Variants in NEK10 observed in about 807,000 individuals in gnomAD.
The protein encoded by NEK10 is NIMA related kinase 10, also known as serine/threonine-protein kinase Nek10.
NEK10 carries 122 observed loss-of-function variants against 159.8 expected under a neutral mutation model. The ratio of observed to expected loss-of-function variants is 0.76; its 90% CI spans 0.66 to 0.89. The LOEUF is 0.89. NEK10 is among the 40% of genes least tolerant of loss of function. The pLI, the probability that NEK10 is intolerant of heterozygous loss-of-function variation, is 0.00. For synonymous variants in NEK10, 466 were observed against 457.1 expected (o/e 1.02, Z -0.25); for missense variants, 1,342 against 1,323.1 (o/e 1.01, Z -0.22).
chr3:27,152,713 T>C (rs917885710), intron 30 of NEK10, among the ~76,000 whole-genome samples: 2 of 152,000 alleles, frequency 1.3e-5, no homozygotes, highest in Non-Finnish European at 2.9e-5. Context: ...GCTTAAAACA[T>C]ACAGAACCAC....
intron 19 of NEK10, among the ~76,000 whole-genome samples, chr3:27,288,370 T>C (rs2042766026): frequency 6.6e-6 from 1 of 152,238 alleles, no homozygotes; most frequent in Non-Finnish European, 1.5e-5. Context: ...CTGTCAGTTT[T>C]AGCAACTTAT....
intron 23 of NEK10, among the ~76,000 whole-genome samples, chr3:27,236,228 T>C (rs1005507825): frequency 3.9e-5 from 6 of 152,034 alleles, no homozygotes; most frequent in African/African-American, 1.4e-4. Flanking sequence ...GGTGATGAAA[T>C]AATCTATATA....
At chr3:27,339,869 C>T (rs35281276) in intron 5 of NEK10, among the ~76,000 whole-genome samples, 21,598 of 151,080 alleles carry the variant, frequency 0.14, 1,811 homozygotes, top group Non-Finnish European at 0.19. Flanking sequence ...CAGATGCTGG[C>T]GAGGTTGTGG....
At chr3:27,266,336 C>T (rs979593108) in intron 22 of NEK10, among the ~76,000 whole-genome samples, 1 of 152,100 alleles carries the variant, frequency 6.6e-6, no homozygotes, top group Admixed American at 6.6e-5. Flanking sequence ...TGCTATGATC[C>T]AAGCTGAGCT....
intron 1 of NEK10, among the ~76,000 whole-genome samples, chr3:27,359,943 CT>C (rs1269249142): frequency 6.6e-6 from 1 of 152,148 alleles, no homozygotes; most frequent in Non-Finnish European, 1.5e-5. Context: ...ATTATGTATG[CT>C]TTAGAAAACT....
chr3:27,333,668 A>G (rs2046588439), intron 5 of NEK10, among the ~76,000 whole-genome samples: 1 of 152,162 alleles, frequency 6.6e-6, no homozygotes, highest in South Asian at 2.1e-4. Flanking sequence ...GGCACAAGCA[A>G]CCGTGGGCTA....
intron 23 of NEK10, among the ~76,000 whole-genome samples, chr3:27,243,804 A>T (rs1465078490): frequency 6.6e-6 from 1 of 150,610 alleles, no homozygotes; most frequent in Non-Finnish European, 1.5e-5. Context: ...TAACCCTTTA[A>T]TCTTCTACAC....
chr3:27,288,457 A>T (rs961283852), intron 19 of NEK10, among the ~76,000 whole-genome samples: 1 of 152,108 alleles, frequency 6.6e-6, no homozygotes, highest in Non-Finnish European at 1.5e-5. Flanking sequence ...CACCCTTGAT[A>T]TCTAACCAAG....
intron 9 of NEK10, chr3:27,310,653 A>C: frequency 3.7e-6 from 1 of 270,564 alleles, no homozygotes; most frequent in Admixed American, 5.3e-5. Flanking sequence ...CCTAGGGTGT[A>C]TTTATACATA....
chr3:27,327,856 A>G (rs1380822634), intron 5 of NEK10, among the ~76,000 whole-genome samples: 1 of 152,080 alleles, frequency 6.6e-6, no homozygotes, highest in Non-Finnish European at 1.5e-5. Context: ...TTCAAAACAC[A>G]TATCACCTCA....
intron 30 of NEK10, among the ~76,000 whole-genome samples, chr3:27,159,070 C>T (rs1217736091): frequency 6.6e-6 from 1 of 152,142 alleles, no homozygotes; most frequent in Non-Finnish European, 1.5e-5. Context: ...GACACCTACA[C>T]AGCCTAATTT....
chr3:27,187,388 C>G (rs1006679973), intron 26 of NEK10, among the ~76,000 whole-genome samples: 4 of 152,160 alleles, frequency 2.6e-5, no homozygotes, highest in African/African-American at 9.7e-5. Flanking sequence ...CTGCTACCAG[C>G]ACAAACAGGG....
At chr3:27,139,293 T>A (rs1943543006) in intron 31 of NEK10, among the ~76,000 whole-genome samples, 1 of 152,180 alleles carries the variant, frequency 6.6e-6, no homozygotes, top group African/African-American at 2.4e-5. Flanking sequence ...CCACTCTGTG[T>A]CTGAGAACAT....
intron 25 of NEK10, among the ~76,000 whole-genome samples, chr3:27,198,092 G>A (rs1171316032): frequency 2.6e-5 from 4 of 152,034 alleles, no homozygotes; most frequent in Non-Finnish European, 2.9e-5. Context: ...GAGCTTTACA[G>A]AGAGAACTAG....
intron 12 of NEK10, among the ~76,000 whole-genome samples, chr3:27,304,313 T>A (rs182349070): frequency 3.3e-5 from 5 of 152,200 alleles, no homozygotes; most frequent in African/African-American, 9.7e-5. Context: ...TTTCTCTTTA[T>A]AGATAATAAC....
At chr3:27,351,320 C>T (rs996786982) in intron 3 of NEK10, among the ~76,000 whole-genome samples, 1 of 152,028 alleles carries the variant, frequency 6.6e-6, no homozygotes, top group African/African-American at 2.4e-5. Context: ...TTGTTTGCCT[C>T]TTTAAGAAAG....
chr3:27,241,461 A>T (rs1487246062), intron 23 of NEK10, among the ~76,000 whole-genome samples: 1 of 152,150 alleles, frequency 6.6e-6, no homozygotes, highest in Admixed American at 6.6e-5. Flanking sequence ...CTGATGAATT[A>T]CTGTACCCCA....
intron 32 of NEK10, among the ~76,000 whole-genome samples, chr3:27,121,126 G>GT (rs1456769481): frequency 1.3e-5 from 2 of 152,100 alleles, no homozygotes; most frequent in Non-Finnish European, 2.9e-5. Context: ...CAAAAGACAT[G>GT]TATAAGAATA....
At chr3:27,347,965 A>C (rs62255658) in intron 3 of NEK10, among the ~76,000 whole-genome samples, 42,971 of 152,056 alleles carry the variant, frequency 0.28, 6,197 homozygotes, top group Middle Eastern at 0.39. Flanking sequence ...CTATTTATAA[A>C]ACACTTGTTA....
Sources: gnomAD v4.1 joint callset for allele counts (sites outside exome capture counted in the v4.1 genomes callset) on GRCh38, gnomAD v4.1.1 for gene constraint, MANE v1.5 for transcripts, NCBI Gene and HGNC (gene_info 2026-07-23, HGNC 2026-07-21) for gene names.